The following NUFIP1 variants were observed in gnomAD, a reference collection of about 807,000 sequenced individuals.
The protein encoded by NUFIP1 is FMR1-interacting protein NUFIP1.
In NUFIP1, 38 loss-of-function variants were observed where a neutral mutation model predicts 56.2. The ratio of observed to expected loss-of-function variants is 0.68; its 90% CI spans 0.52 to 0.89. NUFIP1 has a LOEUF of 0.89. NUFIP1 is among the 40% of genes least tolerant of loss of function. The pLI is 0.00. For missense variants in NUFIP1, 567 were observed against 605.8 expected (o/e 0.94, Z 0.67); for synonymous variants, 215 against 212.4 (o/e 1.01, Z -0.10).
Position 44,940,418 on chromosome 13 carries a change from AC to A in NUFIP1, c.*787del, listed in dbSNP as rs1184289049. The A allele has an allele frequency of 6.6e-6, 1 of 152,254 alleles. No individual in the cohort carries two copies. Among genetic ancestry groups the A allele is most frequent in the Non-Finnish European group, 1.5e-5 (1 of 68,038 alleles). The allele number at this position is 152,254 out of a possible 1,614,324, so 9.4% of individuals were successfully genotyped here. ...TAGGAAAAGTTAATCTTCAACTATA[AC>A]AAACTAATTTTTTACAAATTTAGTC... On this transcript the variant is annotated 3_prime_UTR_variant, in exon 10 of 10. Coordinates refer to ENST00000379161, the MANE Select transcript of NUFIP1 (RefSeq NM_012345.3).
At chr13:44,979,150 C>A (rs765610470) in intron 5 of NUFIP1, 40 bp downstream of exon 5, 6 of 1,473,146 alleles carry the variant, frequency 4.1e-6, no homozygotes, top group Non-Finnish European at 5.6e-6. Flanking sequence ...AGCCTTGTCA[C>A]AGTAAAACAG....
chr13:44,949,319 A>C (rs1871005209), intron 8 of NUFIP1, among the ~76,000 whole-genome samples: 1 of 144,600 alleles, frequency 6.9e-6, no homozygotes, highest in African/African-American at 2.6e-5. Context: ...CTCCTGCCTC[A>C]GCCTCCCAAG....
At chr13:44,977,756 T>C (rs572836003) in intron 5 of NUFIP1, among the ~76,000 whole-genome samples, 15 of 152,214 alleles carry the variant, frequency 9.9e-5, no homozygotes, top group African/African-American at 1.9e-4. Context: ...TGTTTAAAAA[T>C]TGAATTCCTC....
At chr13:44,976,463 A>C (rs1405185746) in intron 5 of NUFIP1, among the ~76,000 whole-genome samples, 1 of 151,992 alleles carries the variant, frequency 6.6e-6, no homozygotes, top group Non-Finnish European at 1.5e-5. Flanking sequence ...AGGAAGAAGA[A>C]AAAGAAGAAT....
chr13:44,981,280 T>C (rs1421436778), intron 2 of NUFIP1, among the ~76,000 whole-genome samples: 1 of 152,148 alleles, frequency 6.6e-6, no homozygotes, highest in African/African-American at 2.4e-5. Flanking sequence ...TTTTGGAGAT[T>C]TGTGACAATT....
chr13:44,942,989 A>T (rs1203064309), intron 9 of NUFIP1, among the ~76,000 whole-genome samples: 1 of 149,618 alleles, frequency 6.7e-6, no homozygotes, highest in Non-Finnish European at 1.5e-5. Flanking sequence ...AAAAAAAAAT[A>T]GGTGGAGGAG....
At chr13:44,977,911 TG>T (rs1195210257) in intron 5 of NUFIP1, among the ~76,000 whole-genome samples, 1 of 152,092 alleles carries the variant, frequency 6.6e-6, no homozygotes, top group Non-Finnish European at 1.5e-5. Context: ...TAGCCAGGTG[TG>T]GGGGTGCACG....
Position 44,957,433 on chromosome 13 carries a change from A to G in NUFIP1, c.1021+1948T>C, listed in dbSNP as rs138171658. Reference sequence around the variant, plus strand: ...CATCATATTGGCCAGGCTAGTCGTGAACTCCTGACTTCAGTTGATCCACCT... The same window carrying G: ...CATCATATTGGCCAGGCTAGTCGTGGACTCCTGACTTCAGTTGATCCACCT... On this transcript the variant is annotated intron_variant, in intron 7 of 9. Transcript: ENST00000379161. 4.6e-5 allele frequency among the ~76,000 whole-genome samples: 7 copies of G among 152,278 alleles called. No individual in the cohort carries two copies. In the East Asian group the frequency reaches 1.4e-3, roughly 29 times the overall value.
intron 1 of NUFIP1, among the ~76,000 whole-genome samples, chr13:44,988,701 A>T (rs962206509): frequency 6.6e-6 from 1 of 152,226 alleles, no homozygotes; most frequent in Non-Finnish European, 1.5e-5. Context: ...AGTCAACAGG[A>T]AAACATTCTA....
At chr13:44,973,972 C>T (rs866475196) in intron 5 of NUFIP1, among the ~76,000 whole-genome samples, 1 of 152,334 alleles carries the variant, frequency 6.6e-6, no homozygotes. Context: ...TTATAGGATT[C>T]TGGTTTCCAG....
chr13:44,988,727 A>G (rs1281067960), intron 1 of NUFIP1, among the ~76,000 whole-genome samples: 1 of 152,238 alleles, frequency 6.6e-6, no homozygotes, highest in African/African-American at 2.4e-5. Context: ...ACATATTTTG[A>G]GAACAAAGGA....
chr13:44,958,951 T>C (rs1267526353), intron 7 of NUFIP1, among the ~76,000 whole-genome samples: 1 of 152,216 alleles, frequency 6.6e-6, no homozygotes, highest in Non-Finnish European at 1.5e-5. Context: ...TCAAACATAA[T>C]GAATTAGTAT....
Position 44,959,452 on chromosome 13 carries a change from C to T in NUFIP1, c.950G>A (p.Cys317Tyr), listed in dbSNP as rs752865396. 1.2e-5 allele frequency: 19 copies of T among 1,614,152 alleles called. No homozygotes were observed. The highest frequency in any genetic ancestry group is 2.2e-5 in the East Asian group (1 of 44,888). The change falls in exon 7 of 10, where the codon TGT (cysteine) becomes TAT (tyrosine). Residue 317 changes from cysteine to tyrosine, a missense_variant. By Grantham distance (194) the Cys-to-Tyr change is radical. Coordinates refer to ENST00000379161, the MANE Select transcript of NUFIP1 (RefSeq NM_012345.3). The part of the protein sequence containing the change: ...RAVTGSGSHL[C>Y]DLKLEGPPEA... ...CGGTGGACCTTCTAGCTTCAAATCA[C>T]ACAAGTGACTGCCTGATCCAGTGAC...
At chr13:44,968,457 A>G (rs916933281) in intron 5 of NUFIP1, among the ~76,000 whole-genome samples, 1 of 151,976 alleles carries the variant, frequency 6.6e-6, no homozygotes, top group African/African-American at 2.4e-5. Flanking sequence ...CTCAAAGATG[A>G]TTAATAGGAT....
At chr13:44,981,570 G>A (rs1872190630) in intron 2 of NUFIP1, among the ~76,000 whole-genome samples, 1 of 152,146 alleles carries the variant, frequency 6.6e-6, no homozygotes, top group African/African-American at 2.4e-5. Flanking sequence ...CAGCACTTTG[G>A]GAGGCGGAGG....
Position 44,941,792 on chromosome 13 carries a change from C to T in NUFIP1, c.1372-470G>A, listed in dbSNP as rs184990708. Among the ~76,000 whole-genome samples the T allele has an allele frequency of 5.6e-3, 852 of 152,320 alleles. 3 individuals carry two copies. The highest frequency in any genetic ancestry group is 0.017 in the African/African-American group (726 of 41,572). On this transcript the variant is annotated intron_variant, in intron 9 of 9. Coordinates refer to ENST00000379161, the MANE Select transcript of NUFIP1 (RefSeq NM_012345.3). ...CATCCCAAAGTGCTGGGATTACAGG[C>T]GTGAGCCACCATGCCCGGCCAAGAC... is the stretch of plus-strand genomic sequence containing the variant.
chr13:44,958,946 C>T (rs1461080535), intron 7 of NUFIP1, among the ~76,000 whole-genome samples: 1 of 152,120 alleles, frequency 6.6e-6, no homozygotes, highest in Non-Finnish European at 1.5e-5. Context: ...ACTGATCAAA[C>T]ATAATGAATT....
intron 7 of NUFIP1, among the ~76,000 whole-genome samples, chr13:44,953,267 A>C (rs890836962): frequency 1.3e-5 from 2 of 152,086 alleles, no homozygotes. Flanking sequence ...ATTAATAATT[A>C]TTATAATTAA....
At chr13:44,980,609 T>G (rs956078068) in intron 3 of NUFIP1, 113 bp downstream of exon 3, 2 of 773,626 alleles carry the variant, frequency 2.6e-6, no homozygotes, top group Admixed American at 6.3e-5. Context: ...TCAAACTATA[T>G]CTCTACAGAA....
Sources: allele counts gnomAD v4.1 joint callset (sites outside exome capture counted in the v4.1 genomes callset), GRCh38; gene constraint gnomAD v4.1.1; transcripts MANE v1.5; gene names NCBI Gene and HGNC (gene_info 2026-07-23, HGNC 2026-07-21).